The following TNFRSF19 variants were observed in gnomAD, a reference collection of about 807,000 sequenced individuals.
TNFRSF19 encodes the protein TNF receptor superfamily member 19, also known as tumor necrosis factor receptor superfamily member 19.
TNFRSF19 carries 27 observed loss-of-function variants against 46.4 expected under a neutral mutation model. The observed-to-expected ratio is 0.58, with a 90% CI of 0.43 to 0.80. TNFRSF19 has a LOEUF of 0.80. Among genes scored for constraint, TNFRSF19 ranks in the 30% least tolerant of loss-of-function variants. The probability of loss-of-function intolerance (pLI) is 0.00; values close to 1 mark genes in which losing one functional copy is unlikely to be tolerated. For missense variants in TNFRSF19, 511 were observed against 530.8 expected, an observed-to-expected ratio of 0.96 and a Z score of 0.37; for synonymous variants, 204 against 205.0, an observed-to-expected ratio of 1.00 and a Z score of 0.04.
intron 5 of TNFRSF19, among the ~76,000 whole-genome samples, chr13:23,629,645 C>G (rs574759795): frequency 1.3e-5 from 2 of 152,302 alleles, no homozygotes; most frequent in East Asian, 3.9e-4. Flanking sequence ...GATGGTGTAA[C>G]CTTGGGCAAA....
At chr13:23,657,863 G>A (rs1293420062) in intron 5 of TNFRSF19, among the ~76,000 whole-genome samples, 6 of 152,110 alleles carry the variant, frequency 3.9e-5, no homozygotes, top group South Asian at 2.1e-4. Flanking sequence ...TCTCTTTTAC[G>A]TTTTAAATGT....
chr13:23,614,456 A>G (rs535822348), intron 3 of TNFRSF19, among the ~76,000 whole-genome samples: 9 of 152,146 alleles, frequency 5.9e-5, no homozygotes, highest in Non-Finnish European at 1.0e-4. Flanking sequence ...AAAATATGTA[A>G]ATTTTACAGA....
intron 5 of TNFRSF19, among the ~76,000 whole-genome samples, chr13:23,646,152 C>T (rs1163672651): frequency 6.6e-6 from 1 of 152,128 alleles, no homozygotes; most frequent in African/African-American, 2.4e-5. Flanking sequence ...CCCGGCCTGC[C>T]CTTTCTCTCT....
At chr13:23,609,336 G>A (rs2138235192) in intron 3 of TNFRSF19, among the ~76,000 whole-genome samples, 1 of 152,256 alleles carries the variant, frequency 6.6e-6, no homozygotes, top group South Asian at 2.1e-4. Flanking sequence ...CATAAATATG[G>A]TGAGGGTTAC....
chr13:23,658,710 G>C (rs1884141586), intron 5 of TNFRSF19, among the ~76,000 whole-genome samples: 4 of 152,186 alleles, frequency 2.6e-5, no homozygotes, highest in Non-Finnish European at 5.9e-5. Flanking sequence ...GCCAAGTACT[G>C]GGCAACCAGA....
At chr13:23,575,934 C>A (rs1011849295) in intron 1 of TNFRSF19, among the ~76,000 whole-genome samples, 3 of 152,088 alleles carry the variant, frequency 2.0e-5, no homozygotes, top group Non-Finnish European at 2.9e-5. Flanking sequence ...TCAGATATTG[C>A]TAAAACTATC....
At chr13:23,590,582 G>A (rs1464117916) in intron 2 of TNFRSF19, among the ~76,000 whole-genome samples, 2 of 152,162 alleles carry the variant, frequency 1.3e-5, no homozygotes, top group East Asian at 1.9e-4. Flanking sequence ...TGATCCGCCT[G>A]CTTTGGCCTC....
At chr13:23,639,402 T>A (rs1011261444) in intron 5 of TNFRSF19, among the ~76,000 whole-genome samples, 2 of 152,098 alleles carry the variant, frequency 1.3e-5, no homozygotes, top group Non-Finnish European at 2.9e-5. Flanking sequence ...CAAAAGATAA[T>A]TTAAAAAAAA....
chr13:23,653,414 G>A (rs544137914), intron 5 of TNFRSF19, among the ~76,000 whole-genome samples: 1 of 152,326 alleles, frequency 6.6e-6, no homozygotes, highest in African/African-American at 2.4e-5. Context: ...AACAAGTAAA[G>A]TATACAAAAT....
intron 5 of TNFRSF19, 85 bp downstream of exon 5, chr13:23,626,877 G>T: frequency 7.6e-7 from 1 of 1,318,834 alleles, no homozygotes; most frequent in Middle Eastern, 1.9e-4. Context: ...TTCTCTGGCA[G>T]ATGGAGCCAA....
Position 23,673,589 on chromosome 13 carries a change from A to G in TNFRSF19, c.*209A>G. On this transcript the variant is annotated 3_prime_UTR_variant, in exon 10 of 10. Transcript: ENST00000248484. ...AAACCTCAATGAATAACAAGAAAAG[A>G]CTCCAGGCCGACTCATGATACTCTG... 1.6e-6 allele frequency: 2 copies of G among 1,240,332 alleles called. No individual in the cohort carries two copies. Among genetic ancestry groups the G allele is most frequent in the Non-Finnish European group, 2.0e-6 (2 of 987,876 alleles). The allele number at this position is 1,240,332 out of a possible 1,614,324, so 76.8% of individuals were successfully genotyped here.
chr13:23,617,350 C>T (rs1881372374), intron 4 of TNFRSF19, among the ~76,000 whole-genome samples: 1 of 152,116 alleles, frequency 6.6e-6, no homozygotes, highest in African/African-American at 2.4e-5. Flanking sequence ...AGGGACCACA[C>T]CTGGGCCAGG....
chr13:23,610,202 C>G (rs1880799486), intron 3 of TNFRSF19, among the ~76,000 whole-genome samples: 1 of 152,206 alleles, frequency 6.6e-6, no homozygotes, highest in Non-Finnish European at 1.5e-5. Context: ...GAATGTGTTT[C>G]CTGGACAACA....
At chr13:23,626,520 G>T (rs763798709) in intron 4 of TNFRSF19, among the ~76,000 whole-genome samples, 187 bp from the exon 5 acceptor site, 1 of 151,882 alleles carries the variant, frequency 6.6e-6, no homozygotes, top group African/African-American at 2.4e-5. Flanking sequence ...GTTACGTTTA[G>T]GGGAATTGAT....
chr13:23,612,638 T>C (rs1048544261), intron 3 of TNFRSF19, among the ~76,000 whole-genome samples: 2 of 152,230 alleles, frequency 1.3e-5, no homozygotes, highest in African/African-American at 2.4e-5. Flanking sequence ...AAATTAATAT[T>C]AGGCTTTAAA....
At chr13:23,582,294 G>T (rs944003881) in intron 1 of TNFRSF19, among the ~76,000 whole-genome samples, 1 of 151,512 alleles carries the variant, frequency 6.6e-6, no homozygotes, top group Admixed American at 6.6e-5. Flanking sequence ...CCAGCTACTC[G>T]GGAGGCTGAG....
chr13:23,615,758 G>A lies in TNFRSF19; in HGVS notation c.181-109G>A, dbSNP rs1157024572. On this transcript the variant is annotated intron_variant, in intron 3 of 9. Coordinates refer to ENST00000248484, the MANE Select transcript of TNFRSF19 (RefSeq NM_148957.4). ...AAAGAGCTGCCTTTGTGTCTAGGAAGGCCGACACTTGGTAATTATTAGACC... is the reference window on the plus strand; with the variant it reads ...AAAGAGCTGCCTTTGTGTCTAGGAAAGCCGACACTTGGTAATTATTAGACC... 4 of 1,162,188 alleles carry A rather than the reference G, an allele frequency of 3.4e-6. No homozygotes were observed. The East Asian group carries it at 1.0e-4, about 30-fold the overall frequency. The allele number at this position is 1,162,188 out of a possible 1,614,324, so 72.0% of individuals were successfully genotyped here.
At chr13:23,654,382 C>T (rs1459126189) in intron 5 of TNFRSF19, among the ~76,000 whole-genome samples, 25 of 152,090 alleles carry the variant, frequency 1.6e-4, no homozygotes, top group Admixed American at 1.6e-3. Context: ...CCGCCCCTGC[C>T]CCAGGACACC....
At chr13:23,592,103 T>G (rs1879352349) in intron 2 of TNFRSF19, among the ~76,000 whole-genome samples, 1 of 152,052 alleles carries the variant, frequency 6.6e-6, no homozygotes, top group Non-Finnish European at 1.5e-5. Flanking sequence ...CCTTTGACCT[T>G]AAAGAGGTTG....
Sources: allele counts gnomAD v4.1 joint callset (sites outside exome capture counted in the v4.1 genomes callset), GRCh38; gene constraint gnomAD v4.1.1; transcripts MANE v1.5; gene names NCBI Gene and HGNC (gene_info 2026-07-23, HGNC 2026-07-21).